The following NOS2 variants were observed in gnomAD, a reference collection of about 807,000 sequenced individuals.
NOS2 encodes nitric oxide synthase, inducible.
Under a neutral mutation model 136.0 loss-of-function variants are expected in NOS2, and 96 were observed. That is an observed-to-expected ratio of 0.71 (90% CI 0.60 to 0.84). NOS2 has a LOEUF of 0.84. Ranked by LOEUF, NOS2 falls within the 40% of genes least tolerant of loss-of-function variation. NOS2 has a pLI of 0.00. For synonymous variants in NOS2, 539 were observed against 587.5 expected (o/e 0.92, Z 1.20); for missense variants, 1,237 against 1,496.9 (o/e 0.83, Z 2.87).
At chr17:27,785,512 C>T (rs1403388942) in intron 5 of NOS2, among the ~76,000 whole-genome samples, 1 of 152,054 alleles carries the variant, frequency 6.6e-6, no homozygotes, top group African/African-American at 2.4e-5. Context: ...ATTCTGCTGC[C>T]CTTGGCTCAA....
intron 6 of NOS2, among the ~76,000 whole-genome samples, chr17:27,782,460 T>C (rs891332397): frequency 7.2e-5 from 11 of 152,154 alleles, no homozygotes; most frequent in African/African-American, 2.2e-4. Flanking sequence ...CACCAGCACA[T>C]ACTACACAGC....
In NOS2 at chr17:27,780,944, G is replaced by A. The variant is rs543298986; in HGVS notation, c.865-38C>T. Reference sequence around the variant, plus strand: ...ACGGGCCCTGTGAGTCTGTAAGCCCGGGCTGCGTGTCTCCTCTGGGCTCCA... The same window carrying A: ...ACGGGCCCTGTGAGTCTGTAAGCCCAGGCTGCGTGTCTCCTCTGGGCTCCA... On this transcript the variant is annotated intron_variant, in intron 8 of 26. Transcript: ENST00000313735. 99 of 1,599,732 alleles carry A rather than the reference G, an allele frequency of 6.2e-5. 1 individual carries two copies. The East Asian group carries it at 7.4e-4, about 12-fold the overall frequency.
chr17:27,767,000 CAAAAAAAAAAA>C (rs11428460), intron 18 of NOS2, among the ~76,000 whole-genome samples: 3 of 42,790 alleles, frequency 7.0e-5, no homozygotes, highest in African/African-American at 9.5e-5. Context: ...GACTCCGTCT[CAAAAAAAAAAA>C]AAAAAAAAAA....
chr17:27,788,260 G>T (rs1185852177), intron 4 of NOS2, among the ~76,000 whole-genome samples: 1 of 152,046 alleles, frequency 6.6e-6, no homozygotes, highest in African/African-American at 2.4e-5. Context: ...GTGGTGGTTT[G>T]GGGGCATGTG....
At position 27,781,069 on chromosome 17, in the gene NOS2, G is replaced by A. The variant is rs1327951373; in HGVS notation, c.831C>T (p.Ile277=). 1.2e-6 allele frequency: 2 copies of A among 1,613,864 alleles called. No homozygotes were observed. Among genetic ancestry groups the A allele is most frequent in the Admixed American group, 3.3e-5 (2 of 60,028 alleles). ...YAGYQMPDGS[I]RGDPANVEFT... ...ATTCCACGTTGGCAGGGTCCCCTCT[G>A]ATGCTGCCATCTGGCATCTGGTAGC... Residue 277 remains isoleucine (I), a synonymous_variant, in exon 8 of 27, where the codon ATC becomes ATT. Transcript: ENST00000313735.
chr17:27,778,078 A>G (rs1206242225), intron 11 of NOS2, among the ~76,000 whole-genome samples: 4 of 152,074 alleles, frequency 2.6e-5, no homozygotes, highest in Non-Finnish European at 5.9e-5. Context: ...GATGTCCTAT[A>G]TAATGCCAGG....
At chr17:27,772,573 G>T in intron 13 of NOS2, 121 bp from the exon 14 acceptor site, 1 of 1,134,402 alleles carries the variant, frequency 8.8e-7, no homozygotes. Flanking sequence ...GGAAAAGCAA[G>T]CTACGTTTCT....
rs1172345759 is a variant in NOS2 at position 27,772,721 on chromosome 17, G to C, written c.1560-269C>G. Among the ~76,000 whole-genome samples, 74 of 152,118 alleles carry C rather than the reference G, an allele frequency of 4.9e-4. 2 individuals are homozygous for C. The highest frequency in any genetic ancestry group is 4.8e-3 in the Admixed American group (74 of 15,264). On this transcript the variant is annotated intron_variant, in intron 13 of 26. Transcript: ENST00000313735. ...TTGGAATTGGCGACTGGACCTCTGGGAGCCAAATTCCACGAAGAATATACA... is the reference window on the plus strand; with the variant it reads ...TTGGAATTGGCGACTGGACCTCTGGCAGCCAAATTCCACGAAGAATATACA...
At chr17:27,796,026 G>C (rs1909343543) in intron 2 of NOS2, among the ~76,000 whole-genome samples, 1 of 152,156 alleles carries the variant, frequency 6.6e-6, no homozygotes, top group African/African-American at 2.4e-5. Flanking sequence ...ACACCGTAAG[G>C]GTTTTGGGAG....
Position 27,778,751 on chromosome 17 carries a change from G to A in NOS2, c.1220C>T (p.Ala407Val). 2 of 1,614,192 alleles carry A rather than the reference G, an allele frequency of 1.2e-6. No homozygotes were observed. The highest frequency in any genetic ancestry group is 1.7e-6 in the Non-Finnish European group (2 of 1,180,040). The change falls in exon 11 of 27, where the codon GCC becomes GTC. Residue 407 changes from alanine to valine, a missense_variant. This residue lies in a region of NOS2 where 440 missense variants were observed against 545.4 expected (regional missense o/e 0.81). Coordinates refer to ENST00000313735, the MANE Select transcript of NOS2 (RefSeq NM_000625.4). ...GACAGCCTGGTCTTTCCAGAGCGAG[G>A]CCAGCTTGTGCGTTTCCAGGCCCAT... Reference protein sequence around the residue: ...RRMGLETHKLASLWKDQAVVE... With the variant: ...RRMGLETHKLVSLWKDQAVVE...
rs1450002162 is a variant in NOS2 at position 27,769,161 on chromosome 17, GAC to G, written c.1860-12_1860-11del. The G allele has an allele frequency of 5.0e-6, 8 of 1,601,252 alleles. No individual in the cohort carries two copies. The highest frequency in any genetic ancestry group is 6.8e-6 in the Non-Finnish European group (8 of 1,175,940). ...GCCAAACACAGCGTACCTGCCCGAG[GAC>G]ACACACAGAGACACATGTCCCATGC... On this transcript the variant is annotated splice_polypyrimidine_tract_variant and intron_variant, in intron 16 of 26. Transcript: ENST00000313735.
At chr17:27,773,805 C>G (rs1201615195) in intron 12 of NOS2, among the ~76,000 whole-genome samples, 2 of 152,152 alleles carry the variant, frequency 1.3e-5, no homozygotes, top group Non-Finnish European at 2.9e-5. Flanking sequence ...TTCCATACAC[C>G]AGCTTTGTGA....
Position 27,760,270 on chromosome 17 carries a change from G to A in NOS2, c.3011-92C>T, listed in dbSNP as rs1908076063. The A allele has an allele frequency of 5.4e-6, 7 of 1,305,268 alleles. No homozygotes were observed. The South Asian group carries it at 8.8e-5, about 16-fold the overall frequency. The allele number at this position is 1,305,268 out of a possible 1,614,324, so 80.9% of individuals were successfully genotyped here. ...TGGAATTCTCACTTCACTCCCACTA[G>A]CTATTTAATAGCATTATCCCCACTT... On this transcript the variant is annotated intron_variant, in intron 24 of 26. Transcript: ENST00000313735.
rs756785102 is a variant in NOS2 at position 27,787,751 on chromosome 17, T to A, written c.394A>T (p.Lys132Ter). 6.2e-7 allele frequency: 1 copy of A among 1,613,858 alleles called. No homozygotes were observed. The highest frequency in any genetic ancestry group is 8.5e-7 in the Non-Finnish European group (1 of 1,179,864). ...PKSLTRGPRD[K>*]PTPPDELLPQ... ...AGAAGCTCATCTGGAGGGGTAGGCT[T>A]GTCCCTGGGTCCTCTGGTCAAACTT... is the stretch of plus-strand genomic sequence containing the variant. The change falls in exon 5 of 27, where the codon AAG becomes TAG. Residue 132 changes from lysine to a stop codon, truncating the protein, a stop_gained. Coordinates refer to ENST00000313735, the MANE Select transcript of NOS2 (RefSeq NM_000625.4). LOFTEE classifies it high-confidence loss of function.
chr17:27,760,678 G>GC lies in NOS2; in HGVS notation c.2954dup (p.Ile986HisfsTer14). 1 of 1,552,178 alleles carries GC rather than the reference G, an allele frequency of 6.4e-7. No homozygotes were observed. Among genetic ancestry groups the GC allele is most frequent in the Non-Finnish European group, 8.7e-7 (1 of 1,147,540 alleles). On this transcript the variant is annotated frameshift_variant, in exon 24 of 27. Transcript: ENST00000313735. LOFTEE classifies it high-confidence loss of function. The stretch of plus-strand genomic sequence containing the variant: ...GCCAGAAACTGCGGAAGGGCGCGAT[G>GC]CCTGTGCCAGGCCCGATGAGGATGC...
At chr17:27,782,232 G>T in intron 6 of NOS2, 126 bp from the exon 7 acceptor site, 1 of 769,348 alleles carries the variant, frequency 1.3e-6, no homozygotes, top group Non-Finnish European at 2.2e-6. Context: ...TCAACACCAT[G>T]CCGAAGAGTG....
intron 2 of NOS2, among the ~76,000 whole-genome samples, chr17:27,794,204 T>C (rs946004006): frequency 6.6e-6 from 1 of 152,124 alleles, no homozygotes; most frequent in Non-Finnish European, 1.5e-5. Flanking sequence ...CAGCCCAGCC[T>C]AAGCTCACAC....
chr17:27,759,117 A>G, intron 25 of NOS2, 42 bp from the exon 26 acceptor site: 6 of 1,436,756 alleles, frequency 4.2e-6, no homozygotes, highest in South Asian at 1.4e-5. Flanking sequence ...TCAGCTGCTC[A>G]GGACAAGGCT....
intron 25 of NOS2, among the ~76,000 whole-genome samples, chr17:27,759,542 CAGCACTGGGCACAG>C (rs1345761067): frequency 1.3e-5 from 2 of 152,128 alleles, no homozygotes; most frequent in African/African-American, 4.8e-5. Context: ...CCAGTGGCCC[CAGCACTGGGCACAG>C]AGCACTGGGC....
Sources: allele counts gnomAD v4.1 joint callset (sites outside exome capture counted in the v4.1 genomes callset), GRCh38; gene constraint gnomAD v4.1.1; regional missense constraint gnomAD v4.1.1; transcripts MANE v1.5; gene names NCBI Gene and HGNC (gene_info 2026-07-23, HGNC 2026-07-21).